DNAH5: variants seen among roughly 807,000 people sequenced by gnomAD.
DNAH5 encodes the protein axonemal beta dynein heavy chain 5.
In DNAH5, 372 loss-of-function variants were observed where a neutral mutation model predicts 518.2. The observed-to-expected ratio is 0.72, with a 90% CI of 0.66 to 0.78. DNAH5 has a LOEUF of 0.78. DNAH5 is among the 30% of genes least tolerant of loss of function. DNAH5 has a pLI of 0.00. For synonymous variants in DNAH5, 2,039 were observed against 2,025.9 expected (o/e 1.01, Z -0.17); for missense variants, 5,523 against 5,687.0 (o/e 0.97, Z 0.93).
chr5:13,793,943 C>T lies in DNAH5; in HGVS notation c.8003G>A (p.Gly2668Glu). ...ACAATAGAATGATGATACCTGATCT[C>T]CCCACTCATTGATTATTGGCATATT... ...DVNMPIINEW[G>E]DQVTNEIVRQ... The change falls in exon 48 of 79, where the codon GGA becomes GAA. Residue 2668 changes from glycine (G) to glutamate (E), a missense_variant. Coordinates refer to ENST00000265104, the MANE Select transcript of DNAH5 (RefSeq NM_001369.3). The T allele has an allele frequency of 6.2e-7, 1 of 1,614,006 alleles. No individual in the cohort carries two copies. The highest frequency in any genetic ancestry group is 8.5e-7 in the Non-Finnish European group (1 of 1,179,944).
At chr5:13,868,592 A>G (rs1769622106) in intron 24 of DNAH5, among the ~76,000 whole-genome samples, 1 of 152,202 alleles carries the variant, frequency 6.6e-6, no homozygotes, top group Non-Finnish European at 1.5e-5. Context: ...AAATATCTCT[A>G]GTCTCTTCTC....
At position 13,852,946 on chromosome 5, in the gene DNAH5, CA is replaced by C. The variant is rs375125714; in HGVS notation, c.4951-2132del. On this transcript the variant is annotated intron_variant, in intron 30 of 78. Transcript: ENST00000265104. Reference sequence around the variant, plus strand: ...AAGGGGCAGCTGTGGGGTACAGCGTCAGAAGACTTAAACATTCCTGCCTGCC... The same window carrying C: ...AAGGGGCAGCTGTGGGGTACAGCGTCGAAGACTTAAACATTCCTGCCTGCC... 2.0e-5 allele frequency among the ~76,000 whole-genome samples: 3 copies of C among 152,346 alleles called. No homozygotes were observed. In the East Asian group the frequency reaches 5.8e-4, roughly 29 times the overall value.
intron 1 of DNAH5, among the ~76,000 whole-genome samples, chr5:13,968,931 A>G (rs896412294): frequency 7.2e-5 from 11 of 152,130 alleles, no homozygotes; most frequent in African/African-American, 2.2e-4. Context: ...TCAGCTGTGA[A>G]TGCATCCATC....
chr5:13,761,337 T>C (rs1751739944), intron 60 of DNAH5, among the ~76,000 whole-genome samples: 1 of 152,214 alleles, frequency 6.6e-6, no homozygotes, highest in African/African-American at 2.4e-5. Context: ...CTCACGCCTG[T>C]AATCACAGCA....
chr5:13,791,083 A>G (rs1320751667), intron 50 of DNAH5, among the ~76,000 whole-genome samples: 1 of 152,118 alleles, frequency 6.6e-6, no homozygotes, highest in Non-Finnish European at 1.5e-5. Context: ...AAAGTTAAAA[A>G]TAAATCAACA....
At chr5:13,990,694 C>T (rs1417630527) in intron 1 of DNAH5, among the ~76,000 whole-genome samples, 1 of 151,910 alleles carries the variant, frequency 6.6e-6, no homozygotes, top group Non-Finnish European at 1.5e-5. Context: ...ATGGGGAAAC[C>T]CCATCTCTAC....
At chr5:13,766,214 A>G (rs778936485) in intron 58 of DNAH5, 35 bp from the exon 59 acceptor site, 3 of 1,610,616 alleles carry the variant, frequency 1.9e-6, no homozygotes, top group Non-Finnish European at 2.5e-6. Context: ...CCAACCACAG[A>G]TAGGAAAGCA....
At chr5:13,950,855 GA>G (rs940773738) in intron 1 of DNAH5, among the ~76,000 whole-genome samples, 30 of 147,934 alleles carry the variant, frequency 2.0e-4, no homozygotes, top group African/African-American at 5.7e-4. Context: ...ATAGAACCAA[GA>G]AAAAAAAAAC....
intron 1 of DNAH5, among the ~76,000 whole-genome samples, chr5:13,977,162 A>T (rs1310809251): frequency 6.6e-6 from 1 of 152,052 alleles, no homozygotes; most frequent in Non-Finnish European, 1.5e-5. Flanking sequence ...ATTAACTGCA[A>T]CTCTAGGAAT....
At chr5:13,711,016 A>G (rs1034580250) in intron 75 of DNAH5, among the ~76,000 whole-genome samples, 5 of 152,242 alleles carry the variant, frequency 3.3e-5, no homozygotes, top group Admixed American at 6.5e-5. Flanking sequence ...AATTCATTCT[A>G]TGAAGCCAGC....
chr5:13,700,295 C>A (rs569496738), intron 78 of DNAH5, among the ~76,000 whole-genome samples: 13 of 152,182 alleles, frequency 8.5e-5, no homozygotes, highest in Non-Finnish European at 1.6e-4. Flanking sequence ...GAGACTCAGG[C>A]CCTGCTCACT....
intron 17 of DNAH5, among the ~76,000 whole-genome samples, chr5:13,890,433 G>C (rs1448348638): frequency 1.3e-5 from 2 of 150,268 alleles, no homozygotes; most frequent in African/African-American, 2.5e-5. Flanking sequence ...GTTAAATGGA[G>C]ATCTTCTGAG....
rs1227915144 is a variant in DNAH5 at position 13,931,194 on chromosome 5, C to T, written c.108G>A (p.Arg36=). The change falls in exon 2 of 79, where the codon AGG becomes AGA. Residue 36 remains arginine, a synonymous_variant. Transcript: ENST00000265104. The part of the protein sequence containing the change: ...KEAKRALLDA[R]HNYLFAIVAS... Reference sequence around the variant, plus strand: ...CCACAATTGCAAATAAGTAGTTATGCCTCGCATCCAAAAGAGCCCGCTTGG... The same window carrying T: ...CCACAATTGCAAATAAGTAGTTATGTCTCGCATCCAAAAGAGCCCGCTTGG... 2 of 1,614,112 alleles carry T rather than the reference C, an allele frequency of 1.2e-6. No individual in the cohort carries two copies. Among genetic ancestry groups the T allele is most frequent in the Non-Finnish European group, 1.7e-6 (2 of 1,179,970 alleles).
At chr5:13,851,933 A>T (rs1371794687) in intron 30 of DNAH5, among the ~76,000 whole-genome samples, 1 of 151,878 alleles carries the variant, frequency 6.6e-6, no homozygotes, top group Non-Finnish European at 1.5e-5. Flanking sequence ...GGCAAGTAGA[A>T]GCGGGGTGGG....
At chr5:13,963,856 T>C (rs1464529194) in intron 1 of DNAH5, among the ~76,000 whole-genome samples, 1 of 152,088 alleles carries the variant, frequency 6.6e-6, no homozygotes, top group Non-Finnish European at 1.5e-5. Flanking sequence ...GCCCAGCTAA[T>C]TTTTATGTTT....
intron 3 of DNAH5, among the ~76,000 whole-genome samples, chr5:13,927,352 C>T (rs909553500): frequency 2.0e-5 from 3 of 151,838 alleles, no homozygotes; most frequent in Non-Finnish European, 4.4e-5. Flanking sequence ...ATTAGTTGGG[C>T]GTGGTGGCGC....
chr5:13,853,355 T>G (rs1087772), intron 30 of DNAH5, among the ~76,000 whole-genome samples: 9,322 of 151,932 alleles, frequency 0.061, 298 homozygotes, highest in African/African-American at 0.078. Context: ...ACACAAAAAC[T>G]CCATCCGAAG....
chr5:13,778,200 G>T (rs1019727458), intron 53 of DNAH5, among the ~76,000 whole-genome samples: 1 of 151,982 alleles, frequency 6.6e-6, no homozygotes, highest in Admixed American at 6.6e-5. Context: ...CTACACCCTA[G>T]AATTGGAAAT....
At chr5:13,928,295 G>A (rs918004647) in intron 2 of DNAH5, 117 bp from the exon 3 acceptor site, 12 of 718,758 alleles carry the variant, frequency 1.7e-5, no homozygotes, top group African/African-American at 1.6e-4. Context: ...ATTCAAACAG[G>A]ACTGCATCTA....
Sources: allele counts gnomAD v4.1 joint callset (sites outside exome capture counted in the v4.1 genomes callset), GRCh38; gene constraint gnomAD v4.1.1; transcripts MANE v1.5; gene names NCBI Gene and HGNC (gene_info 2026-07-23, HGNC 2026-07-21).